Variants in PCDH1 observed in about 807,000 individuals in gnomAD.
PCDH1 encodes the protein protocadherin 1, also known as protocadherin-1.
Under a neutral mutation model 74.6 loss-of-function variants are expected in PCDH1, and 23 were observed. That is an observed-to-expected ratio of 0.31 (90% CI 0.22 to 0.44). PCDH1 has a LOEUF of 0.44. Ranked by LOEUF, PCDH1 falls within the 20% of genes least tolerant of loss-of-function variation. PCDH1 has a pLI of 1.00. For missense variants in PCDH1, 1,214 were observed against 1,641.4 expected (o/e 0.74, Z 4.50); for synonymous variants, 647 against 686.1 (o/e 0.94, Z 0.89).
Position 141,865,139 on chromosome 5 carries a change from G to A in PCDH1, c.1192C>T (p.Gln398Ter). ...TCTGAGATGTTAGCCATCCCATCTT[G>A]ATGAGTCACTAGCCCTATGCCCCGG... is the stretch of plus-strand genomic sequence containing the variant. ...EIRGIGLVTH[Q>*]DGMANISEDV... The change falls in exon 3 of 5, where the codon CAA becomes TAA. Residue 398 changes from glutamine (Q) to a stop codon, truncating the protein, a stop_gained. Coordinates refer to ENST00000287008, the MANE Select transcript of PCDH1 (RefSeq NM_032420.5). LOFTEE classifies it high-confidence loss of function. This position sits in a 1 kb window ranked among gnomAD's most constrained non-coding sequence, Gnocchi z 4.4. The A allele has an allele frequency of 6.2e-7, 1 of 1,614,166 alleles. No individual in the cohort carries two copies. The highest frequency in any genetic ancestry group is 8.5e-7 in the Non-Finnish European group (1 of 1,180,036).
In PCDH1 at chr5:141,864,649, G is replaced by T; in HGVS notation, c.1682C>A (p.Thr561Asn). 6.2e-7 allele frequency: 1 copy of T among 1,613,800 alleles called. No homozygotes were observed. The highest frequency in any genetic ancestry group is 1.1e-5 in the South Asian group (1 of 91,074). Residue 561 changes from threonine (T) to asparagine (N), a missense_variant, in exon 3 of 5, where the codon ACT becomes AAT. Thr to Asn is a moderately conservative substitution (Grantham distance 65). Around this residue, in one of 4 missense-constraint regions of PCDH1, gnomAD observed 836 missense variants for 1,182.2 expected, o/e 0.71. Transcript: ENST00000287008. This position sits in a 1 kb window ranked among gnomAD's most constrained non-coding sequence, Gnocchi z 5.9. ...AKGLFTISPE[T>N]GEIQVKTSLD... ...AGATGTCTTCACCTGGATCTCTCCA[G>T]TCTCGGGTGAGATGGTGAAGAGGCC... is the stretch of plus-strand genomic sequence containing the variant.
intron 1 of PCDH1, among the ~76,000 whole-genome samples, chr5:141,870,179 G>A (rs1476235054): frequency 1.3e-5 from 2 of 152,188 alleles, no homozygotes; most frequent in Non-Finnish European, 2.9e-5. Flanking sequence ...AAATGGTTAG[G>A]GTTGAGGAGT....
At chr5:141,857,682 C>T (rs528562432) in intron 3 of PCDH1, among the ~76,000 whole-genome samples, 77 of 152,220 alleles carry the variant, frequency 5.1e-4, no homozygotes, top group African/African-American at 1.8e-3. Flanking sequence ...CTAGTACAGC[C>T]AAGTCCACAT....
rs1752667604 is a variant in PCDH1 at position 141,863,556 on chromosome 5, C to T, written c.2775G>A (p.Val925=). The T allele has an allele frequency of 6.2e-7, 1 of 1,614,058 alleles. No homozygotes were observed. The highest frequency in any genetic ancestry group is 1.1e-5 in the South Asian group (1 of 91,092). The change falls in exon 3 of 5, where the codon GTG becomes GTA. Residue 925 remains valine (V), a synonymous_variant. Transcript: ENST00000287008. This position sits in a 1 kb window ranked among gnomAD's most constrained non-coding sequence, Gnocchi z 7.5. ...GCAGCCCGGCCTCATCCTCGTCCTC[C>T]ACTGGCTTCACGGGCTTTGGGGACT... is the stretch of plus-strand genomic sequence containing the variant. ...KSKSPKPVKP[V]EDEDEAGLQK...
Position 141,865,995 on chromosome 5 carries a change from GATT to G in PCDH1, c.904-571_904-569del, listed in dbSNP as rs1027029469. 1.1e-6 allele frequency: 1 copy of G among 941,802 alleles called. No homozygotes were observed. The highest frequency in any genetic ancestry group is 1.3e-6 in the Non-Finnish European group (1 of 787,756). The allele number at this position is 941,802 out of a possible 1,614,324, so 58.3% of individuals were successfully genotyped here. A position where few individuals can be genotyped will look rare whatever the true frequency, so the allele number is the denominator to read the frequency against. On this transcript the variant is annotated intron_variant, in intron 2 of 4. Coordinates refer to ENST00000287008, the MANE Select transcript of PCDH1 (RefSeq NM_032420.5). This position sits in a 1 kb window ranked among gnomAD's most constrained non-coding sequence, Gnocchi z 4.4. ...TGTGTATGATTGTGTCAGAATGTGT[GATT>G]ATGTGTGATTTTTGTGTGAGAAGGT...
In PCDH1 at chr5:141,876,551, T is replaced by C. The variant is rs927531283; in HGVS notation, c.40+1672A>G. ...CCTCAGTGCCGCCCCCAGTCTTTCCTGGCAGAAGAAATAGTAGCCGACCAC... is the reference window on the plus strand; with the variant it reads ...CCTCAGTGCCGCCCCCAGTCTTTCCCGGCAGAAGAAATAGTAGCCGACCAC... On this transcript the variant is annotated intron_variant, in intron 1 of 4. Transcript: ENST00000287008. Among the ~76,000 whole-genome samples the C allele has an allele frequency of 5.3e-5, 8 of 152,344 alleles. No homozygotes were observed. The East Asian group carries it at 1.5e-3, about 29-fold the overall frequency.
Position 141,865,010 on chromosome 5 carries a change from G to C in PCDH1, c.1321C>G (p.Gln441Glu). 6.2e-7 allele frequency: 1 copy of C among 1,614,114 alleles called. No homozygotes were observed. The highest frequency in any genetic ancestry group is 8.5e-7 in the Non-Finnish European group (1 of 1,180,018). The change falls in exon 3 of 5, where the codon CAG (glutamine) becomes GAG (glutamate). Residue 441 changes from glutamine to glutamate, a missense_variant. By Grantham distance (29) the Gln-to-Glu change is conservative. Around this residue, in one of 4 missense-constraint regions of PCDH1, gnomAD observed 836 missense variants for 1,182.2 expected, o/e 0.71. Transcript: ENST00000287008. The surrounding 1 kb of genome is among the most constrained non-coding windows in gnomAD (Gnocchi z 4.4). ...CCTGTCTCACTGGCCTGGCGCAGCT[G>C]GAAGGGCACATCACCTGCCACCACA... The part of the protein sequence containing the change: ...TCVVAGDVPF[Q>E]LRQASETGSD...
In PCDH1 at chr5:141,853,221, A is replaced by C. The variant is rs1752193279; in HGVS notation, c.*821T>G. On this transcript the variant is annotated 3_prime_UTR_variant, in exon 5 of 5. Coordinates refer to ENST00000287008, the MANE Select transcript of PCDH1 (RefSeq NM_032420.5). ...CCCTGGCCTGCACCCCCATCCCACC[A>C]TGGCCCCAGGGGTATTTACAACATG... The C allele has an allele frequency of 3.8e-5, 1 of 26,004 alleles. No individual in the cohort carries two copies. The allele number at this position is 26,004 out of a possible 1,614,324, so 1.6% of individuals were successfully genotyped here.
chr5:141,863,793 G>A lies in PCDH1; in HGVS notation c.2538C>T (p.Arg846=), dbSNP rs1184237564. The A allele has an allele frequency of 3.1e-6, 5 of 1,614,060 alleles. No homozygotes were observed. The highest frequency in any genetic ancestry group is 1.1e-5 in the South Asian group (1 of 91,086). ...IDIAGDPEYE[R]SKQRGNILFG... is the part of the protein sequence containing the mutation. ...AGAGAATGTTGCCACGCTGCTTGGA[G>A]CGCTCATATTCTGGATCCCCAGCAA... Residue 846 remains arginine (R), a synonymous_variant, in exon 3 of 5, where the codon CGC becomes CGT. Coordinates refer to ENST00000287008, the MANE Select transcript of PCDH1 (RefSeq NM_032420.5). This position sits in a 1 kb window ranked among gnomAD's most constrained non-coding sequence, Gnocchi z 7.5.
chr5:141,865,025 C>G lies in PCDH1; in HGVS notation c.1306G>C (p.Gly436Arg). ...ENAAVTCVVA[G>R]DVPFQLRQAS... ...TGGCGCAGCTGGAAGGGCACATCACCTGCCACCACACAGGTGACAGCTGCA... is the reference window on the plus strand; with the variant it reads ...TGGCGCAGCTGGAAGGGCACATCACGTGCCACCACACAGGTGACAGCTGCA... The change falls in exon 3 of 5, where the codon GGT (glycine) becomes CGT (arginine). Residue 436 changes from glycine to arginine, a missense_variant. Physicochemically the swap from Gly to Arg is moderately radical, Grantham distance 125. Transcript: ENST00000287008. The surrounding 1 kb of genome is among the most constrained non-coding windows in gnomAD (Gnocchi z 4.4). 2 of 1,614,192 alleles carry G rather than the reference C, an allele frequency of 1.2e-6. No homozygotes were observed. The highest frequency in any genetic ancestry group is 3.3e-4 in the Middle Eastern group (2 of 6,060).
In PCDH1 at chr5:141,863,067, C is replaced by T. The variant is rs945912090; in HGVS notation, c.3099+165G>A. ...TCTTCACTCAGCCTAATCCGTGTGCCCGGTGAGGCACTAAGGCCCCACCTC... is the reference window on the plus strand; with the variant it reads ...TCTTCACTCAGCCTAATCCGTGTGCTCGGTGAGGCACTAAGGCCCCACCTC... On this transcript the variant is annotated intron_variant, in intron 3 of 4. Coordinates refer to ENST00000287008, the MANE Select transcript of PCDH1 (RefSeq NM_032420.5). This position sits in a 1 kb window ranked among gnomAD's most constrained non-coding sequence, Gnocchi z 7.5. The T allele has an allele frequency of 1.5e-6, 2 of 1,368,626 alleles. No individual in the cohort carries two copies. The highest frequency in any genetic ancestry group is 9.5e-7 in the Non-Finnish European group (1 of 1,057,124). 84.8% of individuals were successfully genotyped at this position (1,368,626 alleles called of 1,614,324 possible).
chr5:141,864,920 C>G lies in PCDH1; in HGVS notation c.1411G>C (p.Asp471His), dbSNP rs780765653. The change falls in exon 3 of 5, where the codon GAC becomes CAC. Residue 471 changes from aspartate to histidine, a missense_variant. This residue lies in a region of PCDH1 where 836 missense variants were observed against 1,182.2 expected (regional missense o/e 0.71). Transcript: ENST00000287008. The surrounding 1 kb of genome is among the most constrained non-coding windows in gnomAD (Gnocchi z 5.9). Reference protein sequence around the residue: ...TTPLDYEKVKDYTIEIVAVDS... With the variant: ...TTPLDYEKVKHYTIEIVAVDS... ...ACAGCCACAATCTCAATGGTGTAGT[C>G]TTTGACCTTCTCGTAGTCTAGCGGG... The G allele has an allele frequency of 6.2e-7, 1 of 1,614,032 alleles. No homozygotes were observed. The highest frequency in any genetic ancestry group is 8.5e-7 in the Non-Finnish European group (1 of 1,180,048).
chr5:141,867,436 G>A (rs150423342), intron 2 of PCDH1: 183 of 364,214 alleles, frequency 5.0e-4, no homozygotes, highest in Non-Finnish European at 7.2e-4. Flanking sequence ...GTTTGGGCCC[G>A]GTTTCTCATC....
Position 141,853,639 on chromosome 5 carries a change from TA to T in PCDH1, c.*402del. Reference sequence around the variant, plus strand: ...CCCCAGTTCAGCCCTGCTTCAGGGCTAAAATTGGGCATGCTATCCCCGCCCT... The same window carrying T: ...CCCCAGTTCAGCCCTGCTTCAGGGCTAAATTGGGCATGCTATCCCCGCCCT... On this transcript the variant is annotated 3_prime_UTR_variant, in exon 5 of 5. Transcript: ENST00000287008. 1 of 160,254 alleles carries T rather than the reference TA, an allele frequency of 6.2e-6. No homozygotes were observed. Among genetic ancestry groups the T allele is most frequent in the South Asian group, 2.0e-4 (1 of 4,896 alleles). 9.9% of individuals were successfully genotyped at this position (160,254 alleles called of 1,614,324 possible).
At chr5:141,858,603 G>A (rs1752450259) in intron 3 of PCDH1, among the ~76,000 whole-genome samples, 1 of 152,178 alleles carries the variant, frequency 6.6e-6, no homozygotes, top group South Asian at 2.1e-4. Context: ...CCTGGAACCT[G>A]GCAATCTCAA....
At chr5:141,860,512 A>G (rs1752523131) in intron 3 of PCDH1, among the ~76,000 whole-genome samples, 2 of 151,942 alleles carry the variant, frequency 1.3e-5, no homozygotes, top group African/African-American at 4.8e-5. Context: ...AAAAAAAAAA[A>G]AAAAGGTTAA....
Position 141,868,748 on chromosome 5 carries a change from G to A in PCDH1, c.724C>T (p.Arg242Cys), listed in dbSNP as rs1374352025. The change falls in exon 2 of 5, where the codon CGC becomes TGC. Residue 242 changes from arginine (R) to cysteine (C), a missense_variant. Arg to Cys is a radical substitution (Grantham distance 180). This residue lies in a region of PCDH1 where 836 missense variants were observed against 1,182.2 expected (regional missense o/e 0.71). Transcript: ENST00000287008. This position sits in a 1 kb window ranked among gnomAD's most constrained non-coding sequence, Gnocchi z 4.8. Reference protein sequence around the residue: ...LIVMGNLDRERWDSYDLTIKV... With the variant: ...LIVMGNLDRECWDSYDLTIKV... Reference sequence around the variant, plus strand: ...ATGGTGAGGTCATAGGAGTCCCAGCGCTCACGGTCCAGGTTGCCCATCACA... The same window carrying A: ...ATGGTGAGGTCATAGGAGTCCCAGCACTCACGGTCCAGGTTGCCCATCACA... 9 of 1,614,050 alleles carry A rather than the reference G, an allele frequency of 5.6e-6. No homozygotes were observed. Among genetic ancestry groups the A allele is most frequent in the Non-Finnish European group, 7.6e-6 (9 of 1,180,038 alleles).
chr5:141,874,308 C>T (rs1753166805), intron 1 of PCDH1, among the ~76,000 whole-genome samples: 1 of 152,228 alleles, frequency 6.6e-6, no homozygotes, highest in Non-Finnish European at 1.5e-5. Context: ...CATCTCTGAA[C>T]TTTGTCCCCA....
rs1489170299 is a variant in PCDH1 at position 141,854,008 on chromosome 5, CTG to C, written c.*32_*33del. On this transcript the variant is annotated 3_prime_UTR_variant, in exon 5 of 5. Transcript: ENST00000287008. Reference sequence around the variant, plus strand: ...GGGCCATTTGGGAGCTGGCCGGCGGCTGGGGGAGGGGGGCCGGCCGGCCAGTA... The same window carrying C: ...GGGCCATTTGGGAGCTGGCCGGCGGCGGGGAGGGGGGCCGGCCGGCCAGTA... 1 of 1,470,638 alleles carries C rather than the reference CTG, an allele frequency of 6.8e-7. No individual in the cohort carries two copies. Among genetic ancestry groups the C allele is most frequent in the Non-Finnish European group, 9.0e-7 (1 of 1,108,700 alleles). The allele number at this position is 1,470,638 out of a possible 1,614,324, so 91.1% of individuals were successfully genotyped here.
Sources: gnomAD v4.1 joint callset for allele counts (sites outside exome capture counted in the v4.1 genomes callset) on GRCh38, gnomAD v4.1.1 for gene constraint, gnomAD v4.1.1 regional missense constraint, Gnocchi (gnomAD v3.1) non-coding constraint, MANE v1.5 for transcripts, NCBI Gene and HGNC (gene_info 2026-07-23, HGNC 2026-07-21) for gene names.